The following SLC37A1 variants were observed in gnomAD, a reference collection of about 807,000 sequenced individuals.
SLC37A1 encodes solute carrier family 37 member 1, also known as glucose-6-phosphate exchanger SLC37A1.
Under a neutral mutation model 75.3 loss-of-function variants are expected in SLC37A1, and 49 were observed. The ratio of observed to expected loss-of-function variants is 0.65; its 90% CI spans 0.52 to 0.83. The LOEUF (loss-of-function observed/expected upper bound fraction) is 0.83. Ranked by LOEUF, SLC37A1 falls within the 40% of genes least tolerant of loss-of-function variation. The pLI, the probability that SLC37A1 is intolerant of heterozygous loss-of-function variation, is 0.00. For missense variants in SLC37A1, 566 were observed against 695.0 expected (o/e 0.81, Z 2.09); for synonymous variants, 268 against 292.1 (o/e 0.92, Z 0.84).
intron 3 of SLC37A1, among the ~76,000 whole-genome samples, chr21:42,533,004 G>A (rs373874513): frequency 6.6e-6 from 1 of 152,218 alleles, no homozygotes; most frequent in African/African-American, 2.4e-5. Flanking sequence ...CGTGGCCCAC[G>A]TGCTGCCAGC....
chr21:42,579,733 C>T lies in SLC37A1; in HGVS notation c.1522-3C>T, dbSNP rs757995432. 6.2e-7 allele frequency: 1 copy of T among 1,614,026 alleles called. No homozygotes were observed. The highest frequency in any genetic ancestry group is 1.3e-5 in the African/African-American group (1 of 74,940). On this transcript the variant is annotated splice_region_variant and splice_polypyrimidine_tract_variant and intron_variant, in intron 18 of 19. Coordinates refer to ENST00000352133, the MANE Select transcript of SLC37A1 (RefSeq NM_001320537.2). ...AGGTGGGCTCACCTTTGTTTTGGTGCAGTTCCTGATCCGCCTCATACACAA... is the reference window on the plus strand; with the variant it reads ...AGGTGGGCTCACCTTTGTTTTGGTGTAGTTCCTGATCCGCCTCATACACAA...
At chr21:42,546,270 G>T (rs939985581) in intron 8 of SLC37A1, among the ~76,000 whole-genome samples, 3 of 152,202 alleles carry the variant, frequency 2.0e-5, no homozygotes, top group Non-Finnish European at 4.4e-5. Flanking sequence ...TAAAGGACAC[G>T]CTGAAGCCTC....
intron 18 of SLC37A1, among the ~76,000 whole-genome samples, chr21:42,576,216 G>A (rs764912303): frequency 6.6e-6 from 1 of 152,036 alleles, no homozygotes; most frequent in African/African-American, 2.4e-5. Context: ...GAAGAGCCAT[G>A]CTTGCAGTGA....
intron 5 of SLC37A1, among the ~76,000 whole-genome samples, chr21:42,537,377 TC>T (rs563955248): frequency 9.8e-5 from 15 of 152,292 alleles, no homozygotes; most frequent in African/African-American, 3.4e-4. Flanking sequence ...ATGTTTATAT[TC>T]CCCACACTGC....
At chr21:42,508,570 T>C (rs897021571) in intron 2 of SLC37A1, 1 of 152,216 alleles carries the variant, frequency 6.6e-6, no homozygotes, top group East Asian at 1.9e-4. Flanking sequence ...ATTCTACCTA[T>C]AGGCATAAAC....
intron 1 of SLC37A1, among the ~76,000 whole-genome samples, chr21:42,515,547 G>A (rs1268188951): frequency 6.6e-6 from 1 of 152,236 alleles, no homozygotes; most frequent in African/African-American, 2.4e-5. Context: ...CAGATCACAT[G>A]TGGGTGGGTC....
intron 8 of SLC37A1, among the ~76,000 whole-genome samples, chr21:42,544,735 C>T (rs930411597): frequency 1.3e-5 from 2 of 152,230 alleles, no homozygotes; most frequent in African/African-American, 4.8e-5. Context: ...GCTTTCAGCT[C>T]TGGCTGGTGT....
chr21:42,561,897 G>C, intron 11 of SLC37A1, 181 bp from the exon 12 acceptor site: 2 of 585,820 alleles, frequency 3.4e-6, no homozygotes, highest in Admixed American at 2.8e-5. Context: ...CACTGTTCCC[G>C]CGTCCTCACT....
chr21:42,570,131 G>GTCA (rs1306525603), intron 17 of SLC37A1, among the ~76,000 whole-genome samples: 1 of 106,188 alleles, frequency 9.4e-6, no homozygotes, highest in East Asian at 2.2e-4. Context: ...CTGTTGCCAT[G>GTCA]TGACACACGG....
At chr21:42,546,083 G>A (rs1177676846) in intron 8 of SLC37A1, among the ~76,000 whole-genome samples, 4 of 152,220 alleles carry the variant, frequency 2.6e-5, no homozygotes, top group Non-Finnish European at 5.9e-5. Flanking sequence ...AGCTCAGTTT[G>A]GGTTGCAAGG....
chr21:42,535,127 G>A (rs191230179), intron 4 of SLC37A1, among the ~76,000 whole-genome samples: 161 of 152,352 alleles, frequency 1.1e-3, no homozygotes, highest in Non-Finnish European at 1.6e-3. Context: ...GACACGAGGC[G>A]CTGGTGTGGG....
upstream of SLC37A1, among the ~76,000 whole-genome samples, chr21:42,512,486 A>G (rs1212828431): frequency 6.6e-6 from 1 of 152,244 alleles, no homozygotes; most frequent in Non-Finnish European, 1.5e-5. Context: ...CCTCGAGCCG[A>G]ACCAATGGCA....
intron 3 of SLC37A1, among the ~76,000 whole-genome samples, chr21:42,533,582 C>G (rs944256901): frequency 6.6e-6 from 1 of 151,734 alleles, no homozygotes; most frequent in South Asian, 2.1e-4. Context: ...TGCCTCCCAA[C>G]GAGAAGCACC....
At chr21:42,525,576 T>C (rs936939759) in intron 2 of SLC37A1, among the ~76,000 whole-genome samples, 200 bp from the exon 3 acceptor site, 1 of 152,282 alleles carries the variant, frequency 6.6e-6, no homozygotes, top group African/African-American at 2.4e-5. Flanking sequence ...TCTTACAGTG[T>C]TCAGTTTCCA....
intron 12 of SLC37A1, 147 bp from the exon 13 acceptor site, chr21:42,563,668 A>T (rs961049086): frequency 7.7e-5 from 52 of 676,654 alleles, no homozygotes; most frequent in African/African-American, 6.7e-4. Flanking sequence ...TTGTTTTTTA[A>T]ATCTGAGTTA....
chr21:42,576,950 G>A (rs2056321199), intron 18 of SLC37A1, among the ~76,000 whole-genome samples: 1 of 152,206 alleles, frequency 6.6e-6, no homozygotes, highest in African/African-American at 2.4e-5. Flanking sequence ...TAATTCCAGA[G>A]GAAGATGATA....
At chr21:42,518,682 T>G (rs1171568320) in intron 2 of SLC37A1, among the ~76,000 whole-genome samples, 172 bp downstream of exon 2, 9 of 152,146 alleles carry the variant, frequency 5.9e-5, no homozygotes, top group Non-Finnish European at 1.3e-4. Context: ...CCCAGAACAG[T>G]GCTGAGGTGT....
chr21:42,564,768 T>G lies in SLC37A1; in HGVS notation c.1196T>G (p.Leu399Arg). 3 of 1,608,032 alleles carry G rather than the reference T, an allele frequency of 1.9e-6. No individual in the cohort carries two copies. The highest frequency in any genetic ancestry group is 2.5e-6 in the Non-Finnish European group (3 of 1,179,968). The change falls in exon 14 of 20, where the codon CTG becomes CGG. Residue 399 changes from leucine to arginine, a missense_variant. Coordinates refer to ENST00000352133, the MANE Select transcript of SLC37A1 (RefSeq NM_001320537.2). ...RLEKRASTCGLMLLLAAPTLY... is the reference protein window; with the variant it reads ...RLEKRASTCGRMLLLAAPTLY... ...GAGAAAAGGGCCTCCACCTGCGGCC[T>G]GATGCTGCTGCTCGCGGCCCCCACG...
rs1026904797 is a variant in SLC37A1 at position 42,548,196 on chromosome 21, G to A, written c.768+1056G>A. ...CCGCTCACTGCAGGAGAGCGCGCTC[G>A]GGCCTTTCAGCGGCTCCAGGTGCGT... On this transcript the variant is annotated intron_variant, in intron 9 of 19. Coordinates refer to ENST00000352133, the MANE Select transcript of SLC37A1 (RefSeq NM_001320537.2). This position sits in a 1 kb window ranked among gnomAD's most constrained non-coding sequence, Gnocchi z 5.6. Among the ~76,000 whole-genome samples the A allele has an allele frequency of 2.6e-5, 4 of 152,098 alleles. No individual in the cohort carries two copies. Among genetic ancestry groups the A allele is most frequent in the African/African-American group, 7.2e-5 (3 of 41,404 alleles).
Sources: gnomAD v4.1 joint callset for allele counts (sites outside exome capture counted in the v4.1 genomes callset) on GRCh38, gnomAD v4.1.1 for gene constraint, Gnocchi (gnomAD v3.1) non-coding constraint, MANE v1.5 for transcripts, NCBI Gene and HGNC (gene_info 2026-07-23, HGNC 2026-07-21) for gene names.